Variants in MED12L observed in about 807,000 individuals in gnomAD.
The protein encoded by MED12L is mediator of RNA polymerase II transcription subunit 12-like protein.
A neutral mutation model predicts 281.3 loss-of-function variants in MED12L; 60 were observed. The observed-to-expected ratio is 0.21, with a 90% confidence interval of 0.17 to 0.26. The LOEUF is 0.26. Among genes scored for constraint, MED12L ranks in the 10% least tolerant of loss-of-function variants. The pLI is 1.00. For missense variants in MED12L, 2,146 were observed against 2,680.9 expected (o/e 0.80, Z 4.41); for synonymous variants, 974 against 987.2 (o/e 0.99, Z 0.25).
At chr3:151,154,827 T>C (rs1719051769) in intron 5 of MED12L, among the ~76,000 whole-genome samples, 1 of 152,254 alleles carries the variant, frequency 6.6e-6, no homozygotes, top group Admixed American at 6.5e-5. Flanking sequence ...GATAGTTTAC[T>C]GTTTTTAATG....
chr3:151,157,615 T>C (rs901244058), intron 6 of MED12L, among the ~76,000 whole-genome samples: 1 of 152,230 alleles, frequency 6.6e-6, no homozygotes, highest in African/African-American at 2.4e-5. Context: ...AATTTTAAAT[T>C]GCACTTTTTA....
intron 16 of MED12L, among the ~76,000 whole-genome samples, chr3:151,262,791 C>G (rs1270153859): frequency 6.6e-6 from 1 of 152,114 alleles, no homozygotes. Flanking sequence ...ATGCCAGATA[C>G]TGTTCTAAAT....
rs749108831 is a variant in MED12L, at chr3:151,165,797, CTG to C, written c.1358-45_1358-44del. ...ATGGTGATTTTGTACTGTGTTATAACTGTGTTATTTTTGGCCTCATTAACCAC... is the reference window on the plus strand; with the variant it reads ...ATGGTGATTTTGTACTGTGTTATAACTGTTATTTTTGGCCTCATTAACCAC... On this transcript the variant is annotated intron_variant, in intron 10 of 44. Coordinates refer to ENST00000687756, the MANE Select transcript of MED12L (RefSeq NM_001393769.1). 1.5e-5 allele frequency: 23 copies of C among 1,576,932 alleles called. No individual in the cohort carries two copies. In the African/African-American group the frequency reaches 2.4e-4, roughly 17 times the overall value.
intron 2 of MED12L, among the ~76,000 whole-genome samples, chr3:151,111,359 T>A (rs1711858569): frequency 6.6e-6 from 1 of 152,238 alleles, no homozygotes; most frequent in Non-Finnish European, 1.5e-5. Context: ...CTCTCTGGGC[T>A]TTATTTTTTT....
At chr3:151,392,992 G>A (rs147430989) in intron 38 of MED12L, among the ~76,000 whole-genome samples, 20 of 152,226 alleles carry the variant, frequency 1.3e-4, no homozygotes, top group African/African-American at 3.6e-4. Context: ...TGTTCTGATT[G>A]TTGCTTCAAT....
At chr3:151,143,034 A>G (rs1717272940) in intron 5 of MED12L, among the ~76,000 whole-genome samples, 1 of 152,218 alleles carries the variant, frequency 6.6e-6, no homozygotes, top group South Asian at 2.1e-4. Context: ...TAACACAGCT[A>G]AAGCAAATAG....
intron 27 of MED12L, among the ~76,000 whole-genome samples, chr3:151,374,798 C>T (rs545481356): frequency 1.3e-4 from 20 of 151,926 alleles, no homozygotes; most frequent in South Asian, 1.0e-3. Context: ...GAATAGCTTA[C>T]TTTCAAAAGT....
rs747417746 is a variant in MED12L, at chr3:151,377,033, A to C, written c.4171A>C (p.Ile1391Leu). Reference sequence around the variant, plus strand: ...CGAAATGAACAACTTACTGGACAATATTGCAAAGGCAACAATAGAGGTATT... The same window carrying C: ...CGAAATGAACAACTTACTGGACAATCTTGCAAAGGCAACAATAGAGGTATT... ...VAEMNNLLDN[I>L]AKATIEVFQQ... The change falls in exon 30 of 45, where the codon ATT becomes CTT. Residue 1391 changes from isoleucine to leucine, a missense_variant. This residue lies in a region of MED12L where 235 missense variants were observed against 260.3 expected (regional missense o/e 0.90). Transcript: ENST00000687756. The C allele has an allele frequency of 1.2e-6, 2 of 1,614,104 alleles. No homozygotes were observed. Among genetic ancestry groups the C allele is most frequent in the Non-Finnish European group, 1.7e-6 (2 of 1,179,956 alleles).
At chr3:151,089,298 A>C (rs1006422448) in intron 2 of MED12L, among the ~76,000 whole-genome samples, 1 of 152,202 alleles carries the variant, frequency 6.6e-6, no homozygotes, top group African/African-American at 2.4e-5. Context: ...TACTATTAAC[A>C]CTTTAAAAGT....
At chr3:151,183,885 A>G (rs920561101) in intron 11 of MED12L, among the ~76,000 whole-genome samples, 3 of 152,238 alleles carry the variant, frequency 2.0e-5, no homozygotes, top group Non-Finnish European at 4.4e-5. Flanking sequence ...AAAAACTGAA[A>G]GCAGTATTTT....
chr3:151,329,997 C>T (rs1050583152), intron 16 of MED12L, among the ~76,000 whole-genome samples: 2 of 152,140 alleles, frequency 1.3e-5, no homozygotes, highest in African/African-American at 4.8e-5. Flanking sequence ...GTTTGGGGAT[C>T]TCTGAGAGTT....
At chr3:151,364,571 T>C (rs1428808552) in intron 21 of MED12L, among the ~76,000 whole-genome samples, 1 of 152,212 alleles carries the variant, frequency 6.6e-6, no homozygotes, top group Non-Finnish European at 1.5e-5. Context: ...TTGTAAGATA[T>C]GTAATTAAGA....
intron 11 of MED12L, among the ~76,000 whole-genome samples, chr3:151,181,459 T>C (rs6440720): frequency 0.4 from 60,502 of 151,320 alleles, 15,799 homozygotes; most frequent in African/African-American, 0.74. Flanking sequence ...CTCTGTTGCC[T>C]AGGCTAGCCT....
chr3:151,214,072 G>C, intron 16 of MED12L: 2 of 1,614,158 alleles, frequency 1.2e-6, no homozygotes, highest in Non-Finnish European at 1.7e-6. Context: ...ACCAAGGCCT[G>C]AGTCACCAAG....
intron 16 of MED12L, among the ~76,000 whole-genome samples, chr3:151,245,163 G>T (rs1237016877): frequency 6.6e-6 from 1 of 152,184 alleles, no homozygotes; most frequent in Non-Finnish European, 1.5e-5. Context: ...GGACCAGATG[G>T]ATTCACAGCT....
intron 35 of MED12L, among the ~76,000 whole-genome samples, 180 bp downstream of exon 35, chr3:151,384,398 G>A (rs1182000188): frequency 1.3e-5 from 2 of 152,058 alleles, no homozygotes; most frequent in Non-Finnish European, 2.9e-5. Flanking sequence ...ACATAACCTT[G>A]ATTATTTTTT....
intron 42 of MED12L, 23 bp downstream of exon 42, chr3:151,413,318 C>T (rs1473798899): frequency 6.2e-7 from 1 of 1,610,702 alleles, no homozygotes; most frequent in East Asian, 2.2e-5. Flanking sequence ...GAGATGAGGG[C>T]AATGCCATCA....
At chr3:151,131,646 G>A (rs912034749) in intron 5 of MED12L, among the ~76,000 whole-genome samples, 1 of 152,010 alleles carries the variant, frequency 6.6e-6, no homozygotes, top group East Asian at 1.9e-4. Context: ...AAAACAGTTT[G>A]ATAGATCTTG....
intron 16 of MED12L, among the ~76,000 whole-genome samples, chr3:151,220,332 C>T (rs1729092469): frequency 6.6e-6 from 1 of 151,922 alleles, no homozygotes; most frequent in South Asian, 2.1e-4. Context: ...TTTGGTTCTG[C>T]CTTAGTCTAG....
Sources: gnomAD v4.1 joint callset for allele counts (sites outside exome capture counted in the v4.1 genomes callset) on GRCh38, gnomAD v4.1.1 for gene constraint, gnomAD v4.1.1 regional missense constraint, MANE v1.5 for transcripts, NCBI Gene and HGNC (gene_info 2026-07-23, HGNC 2026-07-21) for gene names.